GLI2: variants seen among roughly 807,000 people sequenced by gnomAD.
GLI2 encodes transcription activator GLI2.
In GLI2, 22 loss-of-function variants were observed where a neutral mutation model predicts 78.9. That is an observed-to-expected ratio of 0.28 (90% CI 0.20 to 0.40). GLI2 has a LOEUF of 0.40. Among genes scored for constraint, GLI2 ranks in the 10% least tolerant of loss-of-function variants. The pLI is 1.00. For synonymous variants in GLI2, 974 were observed against 963.7 expected (o/e 1.01, Z -0.20); for missense variants, 2,097 against 2,213.2 (o/e 0.95, Z 1.05).
In GLI2 at chr2:120,990,679, C is replaced by A. The variant is rs753119981; in HGVS notation, c.*4C>A. 1.9e-6 allele frequency: 3 copies of A among 1,610,058 alleles called. No homozygotes were observed. Among genetic ancestry groups the A allele is most frequent in the Admixed American group, 1.7e-5 (1 of 59,966 alleles). ...GTTCCTGAACATGATGACCTAGAGG[C>A]CCGAGCGCCTGGTGCTGAGTGCACC... is the stretch of plus-strand genomic sequence containing the variant. On this transcript the variant is annotated 3_prime_UTR_variant, in exon 14 of 14. Transcript: ENST00000361492.
intron 3 of GLI2, among the ~76,000 whole-genome samples, chr2:120,939,596 C>CTA (rs1295713398): frequency 2.0e-5 from 3 of 152,306 alleles, no homozygotes; most frequent in African/African-American, 7.2e-5. Flanking sequence ...CTTTCATACT[C>CTA]CACGTTCTTC....
chr2:120,796,980 T>C lies in GLI2; in HGVS notation c.-30-311T>C, dbSNP rs141091221. Among the ~76,000 whole-genome samples, 1,859 of 152,282 alleles carry C rather than the reference T, an allele frequency of 0.012. 32 individuals are homozygous for C. The highest frequency in any genetic ancestry group is 0.041 in the African/African-American group (1,686 of 41,528). On this transcript the variant is annotated intron_variant, in intron 1 of 13. Transcript: ENST00000361492. ...CCCATGATTCACAGACAGAGGTCATTGTTTCTGACTTTATTTCCCTCATCA... is the reference window on the plus strand; with the variant it reads ...CCCATGATTCACAGACAGAGGTCATCGTTTCTGACTTTATTTCCCTCATCA...
At chr2:120,972,816 G>A (rs976713167) in intron 8 of GLI2, 10 of 445,428 alleles carry the variant, frequency 2.2e-5, no homozygotes, top group African/African-American at 1.4e-4. Context: ...GGCCTACCAC[G>A]TGGCCCAGAC....
intron 8 of GLI2, among the ~76,000 whole-genome samples, chr2:120,974,762 AGC>A (rs566182402): frequency 2.1e-3 from 321 of 150,822 alleles, no homozygotes; most frequent in African/African-American, 7.3e-3. Flanking sequence ...TGAGGAAAGG[AGC>A]TAAAAAGGCT....
At chr2:120,886,190 GTGTGTGTGTGTGTGTGTGTGCGTGTA>G (rs1342096501) in intron 2 of GLI2, among the ~76,000 whole-genome samples, 649 of 42,980 alleles carry the variant, frequency 0.015, 12 homozygotes, top group Middle Eastern at 0.023. Context: ...GTGTGTGTGT[GTGTGTGTGTGTGTGTGTGTGCGTGTA>G]TATTTTGGTT....
intron 1 of GLI2, among the ~76,000 whole-genome samples, chr2:120,796,584 T>C (rs1033238897): frequency 6.6e-6 from 1 of 152,208 alleles, no homozygotes; most frequent in African/African-American, 2.4e-5. Context: ...CAGAGAGGCC[T>C]GGCAGCGCTG....
At chr2:120,798,851 G>A (rs1485175899) in intron 2 of GLI2, among the ~76,000 whole-genome samples, 1 of 152,172 alleles carries the variant, frequency 6.6e-6, no homozygotes, top group Non-Finnish European at 1.5e-5. Flanking sequence ...TGGCCTGTGG[G>A]GGCACCTAAA....
At chr2:120,975,321 CAATT>C (rs1558929649) in intron 9 of GLI2, among the ~76,000 whole-genome samples, 1 of 151,898 alleles carries the variant, frequency 6.6e-6, no homozygotes, top group African/African-American at 2.4e-5. Flanking sequence ...GTAATACAAA[CAATT>C]AAAAGAAAAA....
chr2:120,979,682 A>G (rs916380116), intron 10 of GLI2, among the ~76,000 whole-genome samples: 1 of 152,194 alleles, frequency 6.6e-6, no homozygotes, highest in African/African-American at 2.4e-5. Flanking sequence ...AATCACTACT[A>G]GTTAATTTCA....
intron 2 of GLI2, among the ~76,000 whole-genome samples, chr2:120,829,596 C>T (rs1686258196): frequency 6.6e-6 from 1 of 152,226 alleles, no homozygotes; most frequent in South Asian, 2.1e-4. Context: ...ACAGCTGTTT[C>T]CCAGGAGGTT....
rs374562179 is a variant in GLI2, at chr2:120,951,308, C to T, written c.320C>T (p.Pro107Leu). The T allele has an allele frequency of 9.7e-5, 156 of 1,610,764 alleles. 1 individual carries two copies. The highest frequency in any genetic ancestry group is 1.2e-4 in the Non-Finnish European group (146 of 1,177,146). The change falls in exon 4 of 14, where the codon CCG becomes CTG. Residue 107 changes from proline (P) to leucine (L), a missense_variant. Coordinates refer to ENST00000361492, the MANE Select transcript of GLI2 (RefSeq NM_001374353.1). ...TCCTTGATCCGGCTTTCCCCGCACC[C>T]GGCTGGCCCTGGGGAGTCCCCCTTC... ...DISLIRLSPH[P>L]AGPGESPFNA...
chr2:120,883,445 C>T (rs1403276322), intron 2 of GLI2, among the ~76,000 whole-genome samples: 1 of 152,196 alleles, frequency 6.6e-6, no homozygotes, highest in Non-Finnish European at 1.5e-5. Context: ...TAAGGTCGCA[C>T]CACTGCACCC....
At position 120,990,388 on chromosome 2, in the gene GLI2, G is replaced by A. The variant is rs1683238399; in HGVS notation, c.4423G>A (p.Gly1475Arg). The change falls in exon 14 of 14, where the codon GGG becomes AGG. Residue 1475 changes from glycine (G) to arginine (R), a missense_variant. Gly to Arg is a moderately radical substitution (Grantham distance 125). This residue lies in a region of GLI2 where 1,290 missense variants were observed against 1,261.7 expected (regional missense o/e 1.02). Transcript: ENST00000361492. ...SIQPQPLPSP[G>R]VNQVSSTVDS... ...CCAGCCCCAGCCCTTGCCCTCACCA[G>A]GGGTCAACCAGGTGTCCAGCACTGT... 2 of 1,613,974 alleles carry A rather than the reference G, an allele frequency of 1.2e-6. No homozygotes were observed.
chr2:120,889,226 C>A (rs550044988), intron 2 of GLI2, among the ~76,000 whole-genome samples: 3 of 152,296 alleles, frequency 2.0e-5, no homozygotes, highest in Admixed American at 1.3e-4. Context: ...CTGAGATGCT[C>A]GAGGAAACTC....
At chr2:120,754,659 A>C (rs907002203) in intron 1 of GLI2, among the ~76,000 whole-genome samples, 5 of 152,204 alleles carry the variant, frequency 3.3e-5, no homozygotes, top group Non-Finnish European at 7.3e-5. Context: ...TTGTTTGTCC[A>C]GATGCCTGTT....
intron 1 of GLI2, among the ~76,000 whole-genome samples, chr2:120,790,881 C>T (rs1345483991): frequency 6.6e-6 from 1 of 152,132 alleles, no homozygotes; most frequent in Non-Finnish European, 1.5e-5. Flanking sequence ...CCCCAGGGCC[C>T]TGCAGGCAGG....
chr2:120,960,093 T>C lies in GLI2; in HGVS notation c.643+4663T>C, dbSNP rs77531046. ...CGCTGGTTGATTCGGCAGGTGTTTA[T>C]TGGGCACCTTCTATTTACCAGGCTC... On this transcript the variant is annotated intron_variant, in intron 5 of 13. Coordinates refer to ENST00000361492, the MANE Select transcript of GLI2 (RefSeq NM_001374353.1). Among the ~76,000 whole-genome samples, 1,306 of 152,342 alleles carry C rather than the reference T, an allele frequency of 8.6e-3. 17 individuals are homozygous for C. Among genetic ancestry groups the C allele is most frequent in the African/African-American group, 0.028 (1,166 of 41,572 alleles).
intron 1 of GLI2, among the ~76,000 whole-genome samples, chr2:120,784,700 C>T (rs1176763233): frequency 6.6e-6 from 1 of 152,160 alleles, no homozygotes; most frequent in Non-Finnish European, 1.5e-5. Context: ...CCTCCATCTG[C>T]TGTGGTCCTC....
rs169430 is a variant in GLI2, at chr2:120,978,407, C to T, written c.1318-27C>T. The T allele has an allele frequency of 5.4e-3, 8,769 of 1,613,876 alleles. 35 individuals carry two copies. Among genetic ancestry groups the T allele is most frequent in the Non-Finnish European group, 6.9e-3 (8,177 of 1,179,868 alleles). On this transcript the variant is annotated intron_variant, in intron 9 of 13. Coordinates refer to ENST00000361492, the MANE Select transcript of GLI2 (RefSeq NM_001374353.1). ...TCTGTGGGCCTCTGGCCCTGCTTAC[C>T]CTCTTCTGGGCATGTCCCTCCGGCA...
Sources: allele counts gnomAD v4.1 joint callset (sites outside exome capture counted in the v4.1 genomes callset), GRCh38; gene constraint gnomAD v4.1.1; regional missense constraint gnomAD v4.1.1; transcripts MANE v1.5; gene names NCBI Gene and HGNC (gene_info 2026-07-23, HGNC 2026-07-21).